Variants in PSME2 observed in about 807,000 individuals in gnomAD.
PSME2 encodes proteasome activator subunit 2, also known as proteasome activator complex subunit 2.
In PSME2, 20 loss-of-function variants were observed where a neutral mutation model predicts 38.8. The observed-to-expected ratio is 0.52, with a 90% confidence interval of 0.36 to 0.75. PSME2 has a LOEUF of 0.75. Ranked by LOEUF, PSME2 falls within the 30% of genes least tolerant of loss-of-function variation. The pLI, the probability that PSME2 is intolerant of heterozygous loss-of-function variation, is 0.00. For missense variants in PSME2, 227 were observed against 287.6 expected, an observed-to-expected ratio of 0.79 and a Z score of 1.52; for synonymous variants, 82 against 102.5, an observed-to-expected ratio of 0.80 and a Z score of 1.21.
rs770873182 is a variant in PSME2 at position 24,145,249 on chromosome 14, T to G, written c.256A>C (p.Lys86Gln). The stretch of plus-strand genomic sequence containing the variant: ...CACCTCTTATCTCTCTTACCTTCTT[T>G]CTTCTCCTGCTTATCTGTTTCCATC... ...DEMETDKQEKKEVHKCGFLPG... is the reference protein window; with the variant it reads ...DEMETDKQEKQEVHKCGFLPG... Residue 86 changes from lysine to glutamine, a missense_variant, in exon 5 of 11, where the codon AAA becomes CAA. Physicochemically the swap from Lys to Gln is moderately conservative, Grantham distance 53 (BLOSUM62 1). Transcript: ENST00000216802. The G allele has an allele frequency of 4.3e-6, 7 of 1,613,886 alleles. No homozygotes were observed. The Middle Eastern group carries it at 4.9e-4, about 114-fold the overall frequency.
Position 24,145,055 on chromosome 14 carries a change from T to C in PSME2, c.360+3A>G. 6.2e-7 allele frequency: 1 copy of C among 1,610,338 alleles called. No homozygotes were observed. The highest frequency in any genetic ancestry group is 8.5e-7 in the Non-Finnish European group (1 of 1,176,580). On this transcript the variant is annotated splice_donor_region_variant and intron_variant, in intron 6 of 10. Transcript: ENST00000216802. Reference sequence around the variant, plus strand: ...TTCTGCTTCCCCCATTTCCCAGGCTTACCAGAATGCATTTCTCTTTGAGAG... The same window carrying C: ...TTCTGCTTCCCCCATTTCCCAGGCTCACCAGAATGCATTTCTCTTTGAGAG...
chr14:24,145,985 T>A, intron 2 of PSME2: 2 of 809,494 alleles, frequency 2.5e-6, no homozygotes. Flanking sequence ...ATGGTTTTTT[T>A]CCTCCACATC....
In PSME2 at chr14:24,143,887, G is replaced by T; in HGVS notation, c.552+88C>A. On this transcript the variant is annotated intron_variant, in intron 9 of 10. Transcript: ENST00000216802. This position sits in a 1 kb window ranked among gnomAD's most constrained non-coding sequence, Gnocchi z 4.4. Reference sequence around the variant, plus strand: ...TTTAGCTTAATATTCTCCACATTGGGAAAGTCACAAACAAGACAAGGAGGA... The same window carrying T: ...TTTAGCTTAATATTCTCCACATTGGTAAAGTCACAAACAAGACAAGGAGGA... 1 of 1,502,664 alleles carries T rather than the reference G, an allele frequency of 6.7e-7. No individual in the cohort carries two copies. The highest frequency in any genetic ancestry group is 1.1e-5 in the South Asian group (1 of 88,352). The allele number at this position is 1,502,664 out of a possible 1,614,324, so 93.1% of individuals were successfully genotyped here.
chr14:24,143,371 C>G lies in PSME2; in HGVS notation c.*38G>C. 1.3e-6 allele frequency: 2 copies of G among 1,575,196 alleles called. No individual in the cohort carries two copies. The highest frequency in any genetic ancestry group is 1.7e-6 in the Non-Finnish European group (2 of 1,144,864). On this transcript the variant is annotated 3_prime_UTR_variant, in exon 11 of 11. Transcript: ENST00000216802. The surrounding 1 kb of genome is among the most constrained non-coding windows in gnomAD (Gnocchi z 4.4). The stretch of plus-strand genomic sequence containing the variant: ...GACACACGCCAGAAGGGAATCCACA[C>G]AACATATAGATCATTTATTTTCCTT...
rs1451457940 is a variant in PSME2 at position 24,146,608 on chromosome 14, C to T, written c.-27G>A. The stretch of plus-strand genomic sequence containing the variant: ...CTGCTTCAGTCGCTAGATCTCTGGT[C>T]TCCCGGCTAGTCGCCCGGGCTTTCG... On this transcript the variant is annotated 5_prime_UTR_variant, in exon 1 of 11. Coordinates refer to ENST00000216802, the MANE Select transcript of PSME2 (RefSeq NM_002818.3). 5 of 1,611,764 alleles carry T rather than the reference C, an allele frequency of 3.1e-6. No homozygotes were observed. The African/African-American group carries it at 5.3e-5, about 17-fold the overall frequency.
chr14:24,144,235 C>T lies in PSME2; in HGVS notation c.454G>A (p.Ala152Thr), dbSNP rs1337878374. ...IQEKVLERVNAVKTKVEAFQT... is the reference protein window; with the variant it reads ...IQEKVLERVNTVKTKVEAFQT... ...AAAGCTTCCACTTTGGTCTTGACGG[C>T]ATTCACCCTCTCCAGCACCTTCTCC... The change falls in exon 8 of 11, where the codon GCC becomes ACC. Residue 152 changes from alanine (A) to threonine (T), a missense_variant. Coordinates refer to ENST00000216802, the MANE Select transcript of PSME2 (RefSeq NM_002818.3). 1 of 1,614,238 alleles carries T rather than the reference C, an allele frequency of 6.2e-7. No individual in the cohort carries two copies. The highest frequency in any genetic ancestry group is 1.3e-5 in the African/African-American group (1 of 75,042).
chr14:24,144,578 A>C, intron 6 of PSME2, 110 bp from the exon 7 acceptor site: 1 of 996,228 alleles, frequency 1.0e-6, no homozygotes. Flanking sequence ...ATTACATACC[A>C]GGTACTGTGC....
chr14:24,146,285 G>A, intron 1 of PSME2, 45 bp from the exon 2 acceptor site: 1 of 1,607,988 alleles, frequency 6.2e-7, no homozygotes, highest in Non-Finnish European at 8.5e-7. Context: ...GGTCTGGGTT[G>A]TCAAAAGCTT....
chr14:24,146,368 C>T, intron 1 of PSME2, 128 bp from the exon 2 acceptor site: 1 of 1,426,988 alleles, frequency 7.0e-7, no homozygotes, highest in African/African-American at 1.4e-5. Flanking sequence ...CCTGGAAGCT[C>T]CTGCTCACTG....
In PSME2 at chr14:24,144,426, C is replaced by T; in HGVS notation, c.403G>A (p.Gly135Arg). ...TGGATTGCTACCCCAAAATCATTTC[C>T]ATCTTCAATCTTGGGGATCAGGTGT... ...IQHLIPKIED[G>R]NDFGVAIQEK... Residue 135 changes from glycine (G) to arginine (R), a missense_variant, in exon 7 of 11, where the codon GGA becomes AGA. Transcript: ENST00000216802. 2 of 1,613,728 alleles carry T rather than the reference C, an allele frequency of 1.2e-6. No individual in the cohort carries two copies. Among genetic ancestry groups the T allele is most frequent in the Non-Finnish European group, 1.7e-6 (2 of 1,179,598 alleles).
At chr14:24,146,396 T>C in intron 1 of PSME2, 138 bp downstream of exon 1, 10 of 1,436,856 alleles carry the variant, frequency 7.0e-6, no homozygotes, top group Non-Finnish European at 8.7e-6. Context: ...AAGGCAGGAA[T>C]CTGGGAATCC....
intron 2 of PSME2, 155 bp from the exon 3 acceptor site, chr14:24,145,927 A>T: frequency 1.1e-6 from 1 of 896,360 alleles, no homozygotes; most frequent in Non-Finnish European, 1.8e-6. Context: ...CCAAGCTGGT[A>T]AATGGCAGAA....
rs1364424022 is a variant in PSME2, at chr14:24,143,559, C to T, written c.639+26G>A. 4 of 1,613,560 alleles carry T rather than the reference C, an allele frequency of 2.5e-6. No homozygotes were observed. The Admixed American group carries it at 5.0e-5, about 20-fold the overall frequency. On this transcript the variant is annotated intron_variant, in intron 10 of 10. Coordinates refer to ENST00000216802, the MANE Select transcript of PSME2 (RefSeq NM_002818.3). This position sits in a 1 kb window ranked among gnomAD's most constrained non-coding sequence, Gnocchi z 4.4. Reference sequence around the variant, plus strand: ...CCTGCCTGCCCCCACTCATCCACCTCCCCTAAAGCCTTACTCCACACTCAC... The same window carrying T: ...CCTGCCTGCCCCCACTCATCCACCTTCCCTAAAGCCTTACTCCACACTCAC...
At chr14:24,144,318 C>T in intron 7 of PSME2, 59 bp from the exon 8 acceptor site, 1 of 1,609,646 alleles carries the variant, frequency 6.2e-7, no homozygotes. Flanking sequence ...CATACACTAT[C>T]TTCCTCCTCC....
At chr14:24,146,082 G>C in intron 2 of PSME2, 126 bp downstream of exon 2, 2 of 1,216,448 alleles carry the variant, frequency 1.6e-6, no homozygotes, top group South Asian at 2.5e-5. Flanking sequence ...GGTTACTTTG[G>C]GTGAAGGCTT....
chr14:24,144,480 G>C lies in PSME2; in HGVS notation c.361-12C>G, dbSNP rs760327951. On this transcript the variant is annotated splice_polypyrimidine_tract_variant and intron_variant, in intron 6 of 10. Transcript: ENST00000216802. The stretch of plus-strand genomic sequence containing the variant: ...ATCCATGTAATCACCTGTGTTAAGA[G>C]GTATCATGTAAGAATCATTCAACAA... 5 of 1,602,766 alleles carry C rather than the reference G, an allele frequency of 3.1e-6. No individual in the cohort carries two copies. The highest frequency in any genetic ancestry group is 1.3e-5 in the African/African-American group (1 of 74,556).
In PSME2 at chr14:24,143,423, G is replaced by T; in HGVS notation, c.706C>A (p.Pro236Thr). 1 of 1,613,510 alleles carries T rather than the reference G, an allele frequency of 6.2e-7. No individual in the cohort carries two copies. Among genetic ancestry groups the T allele is most frequent in the Non-Finnish European group, 8.5e-7 (1 of 1,179,436 alleles). Reference sequence around the variant, plus strand: ...TAGTCCCGGGTTCAGTACATAGATGGCTTTTCTTCACCCTTTGGGTTGACA... The same window carrying T: ...TAGTCCCGGGTTCAGTACATAGATGTCTTTTCTTCACCCTTTGGGTTGACA... ...KIVNPKGEEK[P>T]SMY The change falls in exon 11 of 11, where the codon CCA (proline) becomes ACA (threonine). Residue 236 changes from proline to threonine, a missense_variant. By Grantham distance (38) the Pro-to-Thr change is conservative (BLOSUM62 -1). Coordinates refer to ENST00000216802, the MANE Select transcript of PSME2 (RefSeq NM_002818.3). The surrounding 1 kb of genome is among the most constrained non-coding windows in gnomAD (Gnocchi z 4.4).
At position 24,145,404 on chromosome 14, in the gene PSME2, G is replaced by A. The variant is rs753212147; in HGVS notation, c.206C>T (p.Pro69Leu). The change falls in exon 4 of 11, where the codon CCA becomes CTA. Residue 69 changes from proline to leucine, a missense_variant. This residue lies in a region of PSME2 where 48 missense variants were observed against 96.4 expected (regional missense o/e 0.50). Transcript: ENST00000216802. ...CTCATCATCCTTGGGTGGAGGGTCT[G>A]GGATGGGGATGTCCAGTGGGGCCCG... The part of the protein sequence containing the change: ...SLRAPLDIPI[P>L]DPPPKDDEME... 6 of 1,580,418 alleles carry A rather than the reference G, an allele frequency of 3.8e-6. No homozygotes were observed. In the South Asian group the frequency reaches 7.1e-5, roughly 19 times the overall value.
Position 24,145,770 on chromosome 14 carries a change from A to T in PSME2, c.84T>A (p.Ala28=). ...EVFRQNLFQE[A]EEFLYRFLPQ... is the part of the protein sequence containing the mutation. ...GCAAGAATCTGTAGAGGAATTCCTC[A>T]GCCTGTGGGTTACATTGCAAGGGAG... is the stretch of plus-strand genomic sequence containing the variant. Residue 28 remains alanine, a splice_region_variant and synonymous_variant, in exon 3 of 11, where the codon GCT becomes GCA. Transcript: ENST00000216802. The T allele has an allele frequency of 6.2e-7, 1 of 1,613,160 alleles. No individual in the cohort carries two copies. Among genetic ancestry groups the T allele is most frequent in the Non-Finnish European group, 8.5e-7 (1 of 1,179,098 alleles).
Sources: allele counts gnomAD v4.1 joint callset, GRCh38; gene constraint gnomAD v4.1.1; regional missense constraint gnomAD v4.1.1; non-coding constraint Gnocchi (gnomAD v3.1); transcripts MANE v1.5; gene names NCBI Gene and HGNC (gene_info 2026-07-23, HGNC 2026-07-21).